CMPK1: variants seen among roughly 807,000 people sequenced by gnomAD.
The protein encoded by CMPK1 is cytidine/uridine monophosphate kinase 1, also known as UMP-CMP kinase.
Under a neutral mutation model 25.7 loss-of-function variants are expected in CMPK1, and 10 were observed. That is an observed-to-expected ratio of 0.39 (90% confidence interval 0.24 to 0.66). The LOEUF is 0.66. Ranked by LOEUF, CMPK1 falls within the 30% of genes least tolerant of loss-of-function variation. The probability of loss-of-function intolerance (pLI) is 0.48; values close to 1 mark genes in which losing one functional copy is unlikely to be tolerated. For missense variants in CMPK1, 199 were observed against 280.5 expected (o/e 0.71, Z 2.08); for synonymous variants, 106 against 101.5 (o/e 1.04, Z -0.27).
Position 47,333,855 on chromosome 1 carries a change from A to C in CMPK1, c.-91A>C. On this transcript the variant is annotated 5_prime_UTR_variant, in exon 1 of 6. Transcript: ENST00000371873. ...GCGGGGCCGCGGCGGGCGCCGGCTC[A>C]GCCCGCCCCTTTCTCCCGCCGCCTC... The C allele has an allele frequency of 1.1e-6, 1 of 896,710 alleles. No homozygotes were observed. 55.5% of individuals were successfully genotyped at this position (896,710 alleles called of 1,614,324 possible).
At chr1:47,334,587 T>C (rs1170745973) in intron 1 of CMPK1, among the ~76,000 whole-genome samples, 1 of 152,208 alleles carries the variant, frequency 6.6e-6, no homozygotes, top group Non-Finnish European at 1.5e-5. Flanking sequence ...TTCCCTAAAC[T>C]CCGCACTGTC....
intron 1 of CMPK1, among the ~76,000 whole-genome samples, chr1:47,346,653 G>A (rs1299278503): frequency 1.3e-5 from 2 of 151,840 alleles, no homozygotes; most frequent in Admixed American, 1.3e-4. Flanking sequence ...ACAGGTGTGC[G>A]CCACCATGCC....
chr1:47,353,254 T>G (rs1276208632), intron 1 of CMPK1, among the ~76,000 whole-genome samples: 13 of 152,224 alleles, frequency 8.5e-5, no homozygotes, highest in Admixed American at 8.5e-4. Flanking sequence ...TATGTTTCCT[T>G]TTAAACTTTT....
chr1:47,366,314 A>T (rs1646639635), intron 1 of CMPK1, among the ~76,000 whole-genome samples: 1 of 152,224 alleles, frequency 6.6e-6, no homozygotes, highest in South Asian at 2.1e-4. Flanking sequence ...CTAAGTTTTA[A>T]TTGCAAGGAA....
intron 1 of CMPK1, among the ~76,000 whole-genome samples, chr1:47,347,484 C>T (rs1470255118): frequency 1.3e-5 from 2 of 152,210 alleles, no homozygotes; most frequent in Non-Finnish European, 2.9e-5. Flanking sequence ...GCCGAGATTA[C>T]GGGCATGAGC....
At chr1:47,367,983 G>A (rs191781971) in intron 1 of CMPK1, among the ~76,000 whole-genome samples, 36 of 151,768 alleles carry the variant, frequency 2.4e-4, no homozygotes, top group East Asian at 1.4e-3. Context: ...ATGGAGTCTC[G>A]CTGTCGCCCA....
chr1:47,376,683 T>C (rs1363676188), intron 5 of CMPK1, 21 bp from the exon 6 acceptor site: 6 of 1,514,736 alleles, frequency 4.0e-6, no homozygotes, highest in African/African-American at 2.8e-5. Context: ...TTAAAATTAT[T>C]ATCATCTTTT....
chr1:47,358,151 T>G (rs1346849216), intron 1 of CMPK1: 1 of 203,512 alleles, frequency 4.9e-6, no homozygotes, highest in African/African-American at 2.4e-5. Flanking sequence ...TCATTCTGTT[T>G]CCTAGGCTAG....
At chr1:47,364,597 G>A (rs1021145369) in intron 1 of CMPK1, among the ~76,000 whole-genome samples, 1 of 150,336 alleles carries the variant, frequency 6.7e-6, no homozygotes, top group Non-Finnish European at 1.5e-5. Flanking sequence ...GATTATAGGT[G>A]TGAGCCACCA....
intron 5 of CMPK1, among the ~76,000 whole-genome samples, chr1:47,375,638 A>G (rs904535351): frequency 5.3e-5 from 8 of 152,214 alleles, no homozygotes; most frequent in African/African-American, 1.7e-4. Context: ...TTTGCTCCCA[A>G]GCACTAGAAA....
chr1:47,334,804 C>G (rs1646384407), intron 1 of CMPK1, among the ~76,000 whole-genome samples: 1 of 152,234 alleles, frequency 6.6e-6, no homozygotes, highest in South Asian at 2.1e-4. Flanking sequence ...GCTGCCAACT[C>G]ACGCTCGGCC....
At chr1:47,376,498 T>C (rs548038946) in intron 5 of CMPK1, among the ~76,000 whole-genome samples, 73 of 152,158 alleles carry the variant, frequency 4.8e-4, no homozygotes, top group African/African-American at 1.7e-3. Flanking sequence ...GTATTTTTAG[T>C]AGAGACGGGG....
intron 1 of CMPK1, among the ~76,000 whole-genome samples, chr1:47,336,648 A>G (rs1646401224): frequency 1.3e-5 from 2 of 151,984 alleles, no homozygotes; most frequent in African/African-American, 4.8e-5. Flanking sequence ...TCAGTCTCCC[A>G]AGTAGCTGGG....
intron 1 of CMPK1, chr1:47,358,286 C>A (rs1411193087): frequency 1.8e-6 from 1 of 547,204 alleles, no homozygotes; most frequent in Non-Finnish European, 3.2e-6. Context: ...CTAATTTTTC[C>A]ATTTTTTGTA....
intron 1 of CMPK1, among the ~76,000 whole-genome samples, chr1:47,355,895 G>A (rs1167174008): frequency 1.3e-5 from 2 of 152,028 alleles, no homozygotes; most frequent in South Asian, 2.1e-4. Context: ...GTGAGCCACC[G>A]CGCCCAGCCA....
chr1:47,344,639 C>T (rs891551782), intron 1 of CMPK1, among the ~76,000 whole-genome samples: 1 of 151,800 alleles, frequency 6.6e-6, no homozygotes, highest in African/African-American at 2.4e-5. Context: ...GCTGGGATTA[C>T]AGGCACACAC....
chr1:47,334,745 G>T (rs1437614841), intron 1 of CMPK1, among the ~76,000 whole-genome samples: 1 of 152,184 alleles, frequency 6.6e-6, no homozygotes, highest in Non-Finnish European at 1.5e-5. Flanking sequence ...GTCGGGGATG[G>T]GGAAAGCCGG....
intron 1 of CMPK1, among the ~76,000 whole-genome samples, chr1:47,349,372 A>G (rs1162305726): frequency 2.0e-5 from 3 of 152,184 alleles, no homozygotes; most frequent in African/African-American, 2.4e-5. Flanking sequence ...AAGTCAGCTT[A>G]TCTCAATTTC....
chr1:47,358,080 A>T (rs1424498647), intron 1 of CMPK1, among the ~76,000 whole-genome samples: 2 of 119,444 alleles, frequency 1.7e-5, no homozygotes, highest in African/African-American at 3.2e-5. Context: ...TCTCTGACCT[A>T]TCTTGAGTGC....
Sources: allele counts gnomAD v4.1 joint callset (sites outside exome capture counted in the v4.1 genomes callset), GRCh38; gene constraint gnomAD v4.1.1; transcripts MANE v1.5; gene names NCBI Gene and HGNC (gene_info 2026-07-23, HGNC 2026-07-21).